Variants in TLCD2 observed in about 807,000 individuals in gnomAD.
The protein encoded by TLCD2 is TLC domain containing 2.
A neutral mutation model predicts 14.0 loss-of-function variants in TLCD2; 12 were observed. The observed-to-expected ratio is 0.86, with a 90% CI of 0.55 to 1.39. The LOEUF is 1.39. TLCD2 is among the 40% of genes most tolerant of loss of function. The pLI is 0.00. For missense variants in TLCD2, 360 were observed against 346.8 expected, an observed-to-expected ratio of 1.04 and a Z score of -0.30; for synonymous variants, 166 against 156.5, an observed-to-expected ratio of 1.06 and a Z score of -0.45.
At chr17:1,709,292 A>C (rs930737034) in intron 3 of TLCD2, among the ~76,000 whole-genome samples, 1 of 145,886 alleles carries the variant, frequency 6.9e-6, no homozygotes, top group Non-Finnish European at 1.5e-5. Flanking sequence ...TGGGAGGCTG[A>C]GGCAGGAGAA....
chr17:1,706,200 C>G lies in TLCD2; in HGVS notation c.*1570G>C, dbSNP rs1195377561. On this transcript the variant is annotated 3_prime_UTR_variant, in exon 4 of 4. Coordinates refer to ENST00000330676, the MANE Select transcript of TLCD2 (RefSeq NM_001164407.2). ...TGTTGACCAGGCTGGTCTTGAACTCCTGACCTCAGGTGATCCTCCCGCCTC... is the reference window on the plus strand; with the variant it reads ...TGTTGACCAGGCTGGTCTTGAACTCGTGACCTCAGGTGATCCTCCCGCCTC... The G allele has an allele frequency of 2.0e-5, 3 of 152,262 alleles. No individual in the cohort carries two copies. The highest frequency in any genetic ancestry group is 2.9e-5 in the Non-Finnish European group (2 of 68,110). The allele number at this position is 152,262 out of a possible 1,614,324, so 9.4% of individuals were successfully genotyped here.
At position 1,707,655 on chromosome 17, in the gene TLCD2, A is replaced by G; in HGVS notation, c.*115T>C. ...GGGATGTGAGTTAGCTGGAAGAGAA[A>G]CTGAGATTCTGATGAGCAAGTCTGG... On this transcript the variant is annotated 3_prime_UTR_variant, in exon 4 of 4. Coordinates refer to ENST00000330676, the MANE Select transcript of TLCD2 (RefSeq NM_001164407.2). 2.5e-6 allele frequency: 2 copies of G among 791,584 alleles called. No individual in the cohort carries two copies. Among genetic ancestry groups the G allele is most frequent in the East Asian group, 2.9e-5 (1 of 34,570 alleles). The allele number at this position is 791,584 out of a possible 1,614,324, so 49.0% of individuals were successfully genotyped here.
rs1403103097 is a variant in TLCD2 at position 1,708,058 on chromosome 17, G to C, written c.507C>G (p.Ser169=). ...GGCGGAAGAGGGCCAAGGTGGCCAA[G>C]GAGGCCCAGCTGGTCACGCTGAAGG... The part of the protein sequence containing the change: ...SLAFSVTSWA[S]LATLALFRLV... The change falls in exon 4 of 4, where the codon TCC becomes TCG. Residue 169 remains serine (S), a synonymous_variant. Coordinates refer to ENST00000330676, the MANE Select transcript of TLCD2 (RefSeq NM_001164407.2). 37 of 1,537,124 alleles carry C rather than the reference G, an allele frequency of 2.4e-5. No homozygotes were observed. The highest frequency in any genetic ancestry group is 3.0e-5 in the Non-Finnish European group (34 of 1,146,918).
At position 1,707,884 on chromosome 17, in the gene TLCD2, T is replaced by A. The variant is rs539737415; in HGVS notation, c.681A>T (p.Leu227=). ...LGIRILVNDV[L]QSRPHPPSPG... ...GGCTGGGTGGATGGGGTCGAGACTG[T>A]AGGACATCATTGACCAGAATACGGA... Residue 227 remains leucine, a synonymous_variant, in exon 4 of 4, where the codon CTA becomes CTT. Transcript: ENST00000330676. 17 of 1,537,280 alleles carry A rather than the reference T, an allele frequency of 1.1e-5. No individual in the cohort carries two copies. In the African/African-American group the frequency reaches 2.0e-4, roughly 19 times the overall value.
Position 1,706,119 on chromosome 17 carries a change from C to G in TLCD2, c.*1651G>C, listed in dbSNP as rs954079357. ...CCTCCTGAGTAGCTGGGATTACAGGCATGCACCACCATGCCCGGCTAATTT... is the reference window on the plus strand; with the variant it reads ...CCTCCTGAGTAGCTGGGATTACAGGGATGCACCACCATGCCCGGCTAATTT... On this transcript the variant is annotated 3_prime_UTR_variant, in exon 4 of 4. Transcript: ENST00000330676. The G allele has an allele frequency of 1.3e-5, 2 of 152,182 alleles. No individual in the cohort carries two copies. Among genetic ancestry groups the G allele is most frequent in the Admixed American group, 6.6e-5 (1 of 15,258 alleles). The allele number at this position is 152,182 out of a possible 1,614,324, so 9.4% of individuals were successfully genotyped here. A position where few individuals can be genotyped will look rare whatever the true frequency, so the allele number is the denominator to read the frequency against.
chr17:1,708,953 C>G (rs1914130702), intron 3 of TLCD2, among the ~76,000 whole-genome samples: 1 of 152,128 alleles, frequency 6.6e-6, no homozygotes, highest in Admixed American at 6.5e-5. Context: ...GGTGAGTGCC[C>G]TGGCATGGTA....
chr17:1,709,909 TGG>T, intron 1 of TLCD2, 23 bp from the exon 2 acceptor site: 2 of 1,128,572 alleles, frequency 1.8e-6, no homozygotes, highest in Non-Finnish European at 2.5e-6. Flanking sequence ...GGTGGGGACA[TGG>T]GGGGGGGCAT....
Position 1,707,693 on chromosome 17 carries a change from TG to T in TLCD2, c.*76del. On this transcript the variant is annotated 3_prime_UTR_variant, in exon 4 of 4. Coordinates refer to ENST00000330676, the MANE Select transcript of TLCD2 (RefSeq NM_001164407.2). The stretch of plus-strand genomic sequence containing the variant: ...TGAGCAAGTCTGGCCCTCACCCTGA[TG>T]GGGGACTGTGCATGGAAGACCCTCA... 8.3e-7 allele frequency: 1 copy of T among 1,202,158 alleles called. No homozygotes were observed. Among genetic ancestry groups the T allele is most frequent in the Non-Finnish European group, 1.1e-6 (1 of 889,566 alleles). 74.5% of individuals were successfully genotyped at this position (1,202,158 alleles called of 1,614,324 possible).
chr17:1,708,519 A>C (rs1597266469), intron 3 of TLCD2, among the ~76,000 whole-genome samples: 2 of 113,056 alleles, frequency 1.8e-5, no homozygotes, highest in African/African-American at 3.6e-5. Flanking sequence ...ACAGACTCTC[A>C]CTCTGCCACC....
In TLCD2 at chr17:1,709,809, G is replaced by T; in HGVS notation, c.254C>A (p.Ser85Tyr). ...AGCCTTCCCTGCAGACTCACCCACA[G>T]ACACAGCCACCAGCACCAGAGCCCA... ...PRWALVLVAVSVGYFLADGAD... is the reference protein window; with the variant it reads ...PRWALVLVAVYVGYFLADGAD... The change falls in exon 2 of 4, where the codon TCT (serine) becomes TAT (tyrosine). Residue 85 changes from serine (S) to tyrosine (Y), a missense_variant. By Grantham distance (144) the Ser-to-Tyr change is moderately radical. Coordinates refer to ENST00000330676, the MANE Select transcript of TLCD2 (RefSeq NM_001164407.2). The T allele has an allele frequency of 6.5e-7, 1 of 1,528,468 alleles. No individual in the cohort carries two copies. The highest frequency in any genetic ancestry group is 8.8e-7 in the Non-Finnish European group (1 of 1,140,350). The allele number at this position is 1,528,468 out of a possible 1,614,324, so 94.7% of individuals were successfully genotyped here.
intron 3 of TLCD2, 137 bp downstream of exon 3, chr17:1,709,362 C>T: frequency 5.7e-6 from 4 of 698,286 alleles, no homozygotes; most frequent in Non-Finnish European, 6.9e-6. Context: ...TGGACCCCAG[C>T]CTGGGTGACA....
At chr17:1,709,927 G>C in intron 1 of TLCD2, 41 bp from the exon 2 acceptor site, 1 of 1,512,992 alleles carries the variant, frequency 6.6e-7, no homozygotes, top group Middle Eastern at 2.3e-4. Context: ...GGCATGGTCA[G>C]CCTCTCGAGG....
At position 1,708,368 on chromosome 17, in the gene TLCD2, G is replaced by A; in HGVS notation, c.343-146C>T. On this transcript the variant is annotated intron_variant, in intron 3 of 3. Coordinates refer to ENST00000330676, the MANE Select transcript of TLCD2 (RefSeq NM_001164407.2). ...TTTATGCTTTTACCTTTATCCTGGGGCCCTGAGCAGCCTTGAAACAACCCT... is the reference window on the plus strand; with the variant it reads ...TTTATGCTTTTACCTTTATCCTGGGACCCTGAGCAGCCTTGAAACAACCCT... 13 of 665,502 alleles carry A rather than the reference G, an allele frequency of 2.0e-5. No homozygotes were observed. In the South Asian group the frequency reaches 2.2e-4, roughly 11 times the overall value. 41.2% of individuals were successfully genotyped at this position (665,502 alleles called of 1,614,324 possible). A position where few individuals can be genotyped will look rare whatever the true frequency, so the allele number is the denominator to read the frequency against.
Position 1,710,257 on chromosome 17 carries a change from G to A in TLCD2, c.-15C>T. On this transcript the variant is annotated 5_prime_UTR_variant, in exon 1 of 4. Coordinates refer to ENST00000330676, the MANE Select transcript of TLCD2 (RefSeq NM_001164407.2). The surrounding 1 kb of genome is among the most constrained non-coding windows in gnomAD (Gnocchi z 6.1). ...GTGGGCGCCATGGCCTGGCGGTTGG[G>A]GGGTTGCGGGGAGTCCGGGTCGGTC... 3 of 1,508,604 alleles carry A rather than the reference G, an allele frequency of 2.0e-6. No individual in the cohort carries two copies. The highest frequency in any genetic ancestry group is 2.4e-4 in the Middle Eastern group (1 of 4,246). The allele number at this position is 1,508,604 out of a possible 1,614,324, so 93.5% of individuals were successfully genotyped here.
In TLCD2 at chr17:1,710,051, G is replaced by T. The variant is rs1372256241; in HGVS notation, c.176+16C>A. 1 of 1,531,414 alleles carries T rather than the reference G, an allele frequency of 6.5e-7. No homozygotes were observed. Among genetic ancestry groups the T allele is most frequent in the African/African-American group, 1.4e-5 (1 of 72,984 alleles). The allele number at this position is 1,531,414 out of a possible 1,614,324, so 94.9% of individuals were successfully genotyped here. On this transcript the variant is annotated intron_variant, in intron 1 of 3. Coordinates refer to ENST00000330676, the MANE Select transcript of TLCD2 (RefSeq NM_001164407.2). The surrounding 1 kb of genome is among the most constrained non-coding windows in gnomAD (Gnocchi z 6.1). ...CTCGCCCTCGCCCCGTGCGCCTCGA[G>T]CCCCCAAGCCCGCACCCGAGCAGCG... is the stretch of plus-strand genomic sequence containing the variant.
rs549139599 is a variant in TLCD2 at position 1,710,355 on chromosome 17, C to G, written c.-113G>C. On this transcript the variant is annotated 5_prime_UTR_variant, in exon 1 of 4. Coordinates refer to ENST00000330676, the MANE Select transcript of TLCD2 (RefSeq NM_001164407.2). This position sits in a 1 kb window ranked among gnomAD's most constrained non-coding sequence, Gnocchi z 6.1. The stretch of plus-strand genomic sequence containing the variant: ...CAGGGCTGGGGCCCCGGCTCCCCTC[C>G]CCGCCGCGCCTTTGGGATCAGCAGG... The G allele has an allele frequency of 6.8e-6, 6 of 886,718 alleles. No homozygotes were observed. In the Admixed American group the frequency reaches 1.5e-4, roughly 22 times the overall value. 54.9% of individuals were successfully genotyped at this position (886,718 alleles called of 1,614,324 possible). A position where few individuals can be genotyped will look rare whatever the true frequency, so the allele number is the denominator to read the frequency against.
In TLCD2 at chr17:1,708,236, T is replaced by C. The variant is rs1472088008; in HGVS notation, c.343-14A>G. On this transcript the variant is annotated splice_polypyrimidine_tract_variant and intron_variant, in intron 3 of 3. Coordinates refer to ENST00000330676, the MANE Select transcript of TLCD2 (RefSeq NM_001164407.2). ...GCAGCTCACCACCTGGGAGCCAGGG[T>C]CACAGGTCAGAGGAACCCCATGACC... The C allele has an allele frequency of 2.0e-6, 3 of 1,510,520 alleles. No individual in the cohort carries two copies. The highest frequency in any genetic ancestry group is 1.8e-6 in the Non-Finnish European group (2 of 1,132,476). The allele number at this position is 1,510,520 out of a possible 1,614,324, so 93.6% of individuals were successfully genotyped here.
chr17:1,709,870 G>A lies in TLCD2; in HGVS notation c.193C>T (p.Gln65Ter). Residue 65 changes from glutamine to a stop codon, truncating the protein, a stop_gained, in exon 2 of 4, where the codon CAG (glutamine) becomes TAG (stop). Coordinates refer to ENST00000330676, the MANE Select transcript of TLCD2 (RefSeq NM_001164407.2). LOFTEE classifies it high-confidence loss of function. ...CCATGGATGGGGTCGGCGGCCATCT[G>A]AGGGTACAGTGACAGGCTGGGGGCA... ...GALLGLSLYP[Q>*]MAADPIHGHP... is the part of the protein sequence containing the mutation. 6.5e-7 allele frequency: 1 copy of A among 1,534,634 alleles called. No homozygotes were observed. Among genetic ancestry groups the A allele is most frequent in the Non-Finnish European group, 8.7e-7 (1 of 1,146,596 alleles).
rs1215840493 is a variant in TLCD2 at position 1,710,076 on chromosome 17, G to A, written c.167C>T (p.Ala56Val). 4.6e-6 allele frequency: 7 copies of A among 1,532,888 alleles called. No homozygotes were observed. The highest frequency in any genetic ancestry group is 6.1e-6 in the Non-Finnish European group (7 of 1,146,202). The allele number at this position is 1,532,888 out of a possible 1,614,324, so 95.0% of individuals were successfully genotyped here. A position where few individuals can be genotyped will look rare whatever the true frequency, so the allele number is the denominator to read the frequency against. ...LAHSLLSGTG[A>V]LLGLSLYPQM... ...GCCCCCAAGCCCGCACCCGAGCAGCGCCCCGGTCCCCGAGAGCAGGCTGTG... is the reference window on the plus strand; with the variant it reads ...GCCCCCAAGCCCGCACCCGAGCAGCACCCCGGTCCCCGAGAGCAGGCTGTG... The change falls in exon 1 of 4, where the codon GCG becomes GTG. Residue 56 changes from alanine to valine, a missense_variant. By Grantham distance (64) the Ala-to-Val change is moderately conservative (BLOSUM62 0). Coordinates refer to ENST00000330676, the MANE Select transcript of TLCD2 (RefSeq NM_001164407.2). The surrounding 1 kb of genome is among the most constrained non-coding windows in gnomAD (Gnocchi z 6.1).
Sources: gnomAD v4.1 joint callset for allele counts (sites outside exome capture counted in the v4.1 genomes callset) on GRCh38, gnomAD v4.1.1 for gene constraint, Gnocchi (gnomAD v3.1) non-coding constraint, MANE v1.5 for transcripts, NCBI Gene and HGNC (gene_info 2026-07-23, HGNC 2026-07-21) for gene names.